TNFRSF10A: variants seen among roughly 807,000 people sequenced by gnomAD.
The protein encoded by TNFRSF10A is tumor necrosis factor receptor superfamily member 10A.
In TNFRSF10A, 44 loss-of-function variants were observed where a neutral mutation model predicts 42.8. That is an observed-to-expected ratio of 1.03 (90% CI 0.81 to 1.32). The LOEUF is 1.32. Among genes scored for constraint, TNFRSF10A ranks in the 40% most tolerant of loss-of-function variants. TNFRSF10A has a pLI of 0.00. For synonymous variants in TNFRSF10A, 259 were observed against 234.2 expected, an observed-to-expected ratio of 1.11 and a Z score of -0.97; for missense variants, 680 against 602.0, an observed-to-expected ratio of 1.13 and a Z score of -1.36.
chr8:23,216,955 A>G (rs2128851375), intron 1 of TNFRSF10A, among the ~76,000 whole-genome samples: 1 of 152,170 alleles, frequency 6.6e-6, no homozygotes, highest in East Asian at 1.9e-4. Flanking sequence ...AATGTGGTCT[A>G]TCTTGGTGAA....
chr8:23,207,234 G>A (rs1801028209), intron 2 of TNFRSF10A: 4 of 598,126 alleles, frequency 6.7e-6, no homozygotes, highest in South Asian at 5.5e-5. Flanking sequence ...CAAACAGGTT[G>A]TGAAGAAGCT....
At chr8:23,214,516 T>C (rs1404980040) in intron 1 of TNFRSF10A, among the ~76,000 whole-genome samples, 4 of 152,136 alleles carry the variant, frequency 2.6e-5, no homozygotes, top group African/African-American at 9.7e-5. Context: ...AAGTGTTGTT[T>C]AATTTTCACA....
chr8:23,223,508 CG>C (rs1378109454), intron 1 of TNFRSF10A, among the ~76,000 whole-genome samples: 6 of 152,150 alleles, frequency 3.9e-5, no homozygotes, highest in Non-Finnish European at 8.8e-5. Flanking sequence ...ATTTAATAAG[CG>C]TATTAAAAAT....
chr8:23,191,560 A>G lies in TNFRSF10A; in HGVS notation c.*134T>C. ...AGTGATCCACCCGCCTCAGCCTCCC[A>G]AAGTGCTGGGATTACAGGCATGAGC... On this transcript the variant is annotated 3_prime_UTR_variant, in exon 10 of 10. Coordinates refer to ENST00000221132, the MANE Select transcript of TNFRSF10A (RefSeq NM_003844.4). 7.5e-7 allele frequency: 1 copy of G among 1,333,900 alleles called. No individual in the cohort carries two copies. Among genetic ancestry groups the G allele is most frequent in the Non-Finnish European group, 9.9e-7 (1 of 1,009,860 alleles). 82.6% of individuals were successfully genotyped at this position (1,333,900 alleles called of 1,614,324 possible). A position where few individuals can be genotyped will look rare whatever the true frequency, so the allele number is the denominator to read the frequency against.
chr8:23,195,100 A>G (rs955192005), intron 9 of TNFRSF10A, among the ~76,000 whole-genome samples: 11 of 152,238 alleles, frequency 7.2e-5, no homozygotes, highest in African/African-American at 2.7e-4. Flanking sequence ...TGGAGGTTGC[A>G]GTGAGATGAG....
In TNFRSF10A at chr8:23,199,375, T is replaced by C. The variant is rs1252914919; in HGVS notation, c.905A>G (p.Asn302Ser). 1.2e-6 allele frequency: 2 copies of C among 1,614,190 alleles called. No homozygotes were observed. Among genetic ancestry groups the C allele is most frequent in the East Asian group, 4.5e-5 (2 of 44,878 alleles). The change falls in exon 8 of 10, where the codon AAC becomes AGC. Residue 302 changes from asparagine (N) to serine (S), a missense_variant. Physicochemically the swap from Asn to Ser is conservative, Grantham distance 46. Transcript: ENST00000221132. ...GACGAAAGTGGACAGCGAGTCTGCG[T>C]TGCTCAGAATCTCGTTGTGAGCATT... ...EDNAHNEILS[N>S]ADSLSTFVSE...
chr8:23,200,625 G>A, intron 5 of TNFRSF10A, 25 bp from the exon 6 acceptor site: 1 of 1,614,152 alleles, frequency 6.2e-7, no homozygotes, highest in Non-Finnish European at 8.5e-7. Flanking sequence ...GAAAAGACAG[G>A]AGTCTCGGGC....
At chr8:23,199,498 C>CG (rs1563378338) in intron 7 of TNFRSF10A, 50 bp from the exon 8 acceptor site, 2 of 1,592,420 alleles carry the variant, frequency 1.3e-6, no homozygotes, top group Admixed American at 3.4e-5. Context: ...GGGCTCCCCA[C>CG]GGGGTCCGTA....
chr8:23,199,500 G>A (rs1368834352), intron 7 of TNFRSF10A, 52 bp from the exon 8 acceptor site: 3 of 1,588,510 alleles, frequency 1.9e-6, no homozygotes, highest in East Asian at 4.5e-5. Flanking sequence ...GCTCCCCACG[G>A]GGTCCGTAGG....
At chr8:23,210,607 G>A (rs544316757) in intron 2 of TNFRSF10A, among the ~76,000 whole-genome samples, 18 of 152,192 alleles carry the variant, frequency 1.2e-4, no homozygotes, top group East Asian at 9.7e-4. Context: ...GTGTGAACCC[G>A]GGAGGCAGAG....
chr8:23,222,005 T>C (rs944563675), intron 1 of TNFRSF10A, among the ~76,000 whole-genome samples: 5 of 151,666 alleles, frequency 3.3e-5, no homozygotes, highest in Admixed American at 6.6e-5. Flanking sequence ...GCCTCCCGAG[T>C]AGCTGGGACT....
At position 23,200,599 on chromosome 8, in the gene TNFRSF10A, G is replaced by T; in HGVS notation, c.705C>A (p.Gly235=). The T allele has an allele frequency of 6.2e-7, 1 of 1,614,184 alleles. No individual in the cohort carries two copies. The highest frequency in any genetic ancestry group is 8.5e-7 in the Non-Finnish European group (1 of 1,180,002). ...AAATCACCCATATATTATGTCCATT[G>T]CCTGAGAAAAGACAGGAAAAGACAG... ...SDIECVHKES[G]NGHNIWVILV... The change falls in exon 6 of 10, where the codon GGC becomes GGA. Residue 235 remains glycine, a splice_region_variant and synonymous_variant. Transcript: ENST00000221132.
intron 1 of TNFRSF10A, among the ~76,000 whole-genome samples, chr8:23,222,492 G>A (rs1272727569): frequency 6.6e-6 from 1 of 152,208 alleles, no homozygotes; most frequent in Non-Finnish European, 1.5e-5. Flanking sequence ...TTATGATGCT[G>A]TTAAAAAGAA....
chr8:23,215,255 G>T (rs1036149450), intron 1 of TNFRSF10A, among the ~76,000 whole-genome samples: 3 of 152,122 alleles, frequency 2.0e-5, no homozygotes, highest in African/African-American at 7.2e-5. Flanking sequence ...CGTGGCTCAC[G>T]CCTGTAATCC....
At chr8:23,197,014 AC>A (rs34917866) in intron 9 of TNFRSF10A, 117 bp downstream of exon 9, 3 of 1,332,298 alleles carry the variant, frequency 2.3e-6, no homozygotes, top group Non-Finnish European at 3.2e-6. Flanking sequence ...ATAGCATAGG[AC>A]CCCCAGTTTC....
intron 2 of TNFRSF10A, among the ~76,000 whole-genome samples, chr8:23,209,146 A>C (rs1468718434): frequency 6.6e-6 from 1 of 152,236 alleles, no homozygotes; most frequent in East Asian, 1.9e-4. Context: ...GGCAGCTCCC[A>C]CATGGTGTTA....
intron 1 of TNFRSF10A, among the ~76,000 whole-genome samples, chr8:23,216,373 C>A (rs972410069): frequency 1.3e-5 from 2 of 152,060 alleles, no homozygotes; most frequent in African/African-American, 4.8e-5. Context: ...TGATGTAATT[C>A]TTTCCTTTAA....
At chr8:23,209,938 A>G (rs1585285055) in intron 2 of TNFRSF10A, among the ~76,000 whole-genome samples, 1 of 152,116 alleles carries the variant, frequency 6.6e-6, no homozygotes, top group Non-Finnish European at 1.5e-5. Context: ...TTCTCACTCA[A>G]ATTTCATGTT....
rs73671078 is a variant in TNFRSF10A at position 23,193,537 on chromosome 8, G to C, written c.1088-1524C>G. Among the ~76,000 whole-genome samples the C allele has an allele frequency of 5.7e-3, 861 of 152,320 alleles. 15 individuals carry two copies. Among genetic ancestry groups the C allele is most frequent in the African/African-American group, 0.02 (827 of 41,570 alleles). On this transcript the variant is annotated intron_variant, in intron 9 of 9. Coordinates refer to ENST00000221132, the MANE Select transcript of TNFRSF10A (RefSeq NM_003844.4). ...AGTGACTGTGAGAGGGAAGCACTCT[G>C]CCTTTCAGTCTGGACACTCTTGGAG... is the stretch of plus-strand genomic sequence containing the variant.
Sources: allele counts gnomAD v4.1 joint callset (sites outside exome capture counted in the v4.1 genomes callset), GRCh38; gene constraint gnomAD v4.1.1; transcripts MANE v1.5; gene names NCBI Gene and HGNC (gene_info 2026-07-23, HGNC 2026-07-21).